The following SYNE2 variants were observed in gnomAD, a reference collection of about 807,000 sequenced individuals.
SYNE2 encodes nesprin-2.
SYNE2 carries 431 observed loss-of-function variants against 856.3 expected under a neutral mutation model. That is an observed-to-expected ratio of 0.50 (90% CI 0.47 to 0.55). The LOEUF is 0.55. Among genes scored for constraint, SYNE2 ranks in the 20% least tolerant of loss-of-function variants. The pLI is 0.00. For missense variants in SYNE2, 8,129 were observed against 8,023.2 expected (o/e 1.01, Z -0.50); for synonymous variants, 2,923 against 2,872.3 (o/e 1.02, Z -0.56).
Position 64,093,504 on chromosome 14 carries a change from G to A in SYNE2, c.12108+24G>A, listed in dbSNP as rs375229797. 13 of 1,613,854 alleles carry A rather than the reference G, an allele frequency of 8.1e-6. No homozygotes were observed. In the African/African-American group the frequency reaches 9.3e-5, roughly 12 times the overall value. Reference sequence around the variant, plus strand: ...AGGTATGTTTCTTTCATTCATAAAGGTATGTTTCATTTGTCCATCAGTGCA... The same window carrying A: ...AGGTATGTTTCTTTCATTCATAAAGATATGTTTCATTTGTCCATCAGTGCA... On this transcript the variant is annotated intron_variant, in intron 61 of 115. Transcript: ENST00000555002.
chr14:64,019,644 CGTGTGT>C (rs371970514), intron 34 of SYNE2, among the ~76,000 whole-genome samples: 7 of 151,168 alleles, frequency 4.6e-5, no homozygotes, highest in Non-Finnish European at 1.0e-4. Flanking sequence ...ATTGTGTGTC[CGTGTGT>C]GTGTGTGTAT....
chr14:63,956,365 A>G (rs1345732301), intron 8 of SYNE2: 11 of 455,780 alleles, frequency 2.4e-5, no homozygotes, highest in East Asian at 6.9e-5. Context: ...TTTATTACCT[A>G]TGCTTTTAAT....
chr14:63,768,798 A>G (rs547055040), intron 1 of SYNE2, among the ~76,000 whole-genome samples: 1 of 152,108 alleles, frequency 6.6e-6, no homozygotes, highest in African/African-American at 2.4e-5. Context: ...GGAGCAAGGT[A>G]CAAGGTGCAT....
intron 61 of SYNE2, 62 bp from the exon 62 acceptor site, chr14:64,097,887 C>T (rs1417784287): frequency 6.5e-7 from 1 of 1,542,614 alleles, no homozygotes; most frequent in African/African-American, 1.4e-5. Flanking sequence ...AGGAAGCAGG[C>T]TGCTCTGGGC....
intron 94 of SYNE2, among the ~76,000 whole-genome samples, chr14:64,172,032 G>A (rs1389812197): frequency 1.3e-5 from 2 of 151,938 alleles, no homozygotes; most frequent in African/African-American, 4.8e-5. Flanking sequence ...TGTGTTTTTA[G>A]TAGAGACAAG....
chr14:63,997,000 C>A lies in SYNE2; in HGVS notation c.2994C>A (p.Val998=). The change falls in exon 24 of 116, where the codon GTC becomes GTA. Residue 998 remains valine (V), a synonymous_variant. Transcript: ENST00000555002. ...CLYQLNHHME[V]LRELCEELPS... Reference sequence around the variant, plus strand: ...ACCAGCTTAATCACCACATGGAAGTCCTGAGGGAGCTGTGTGAAGAGCTGC... The same window carrying A: ...ACCAGCTTAATCACCACATGGAAGTACTGAGGGAGCTGTGTGAAGAGCTGC... 2.5e-6 allele frequency: 4 copies of A among 1,614,060 alleles called. No individual in the cohort carries two copies. The South Asian group carries it at 4.4e-5, about 18-fold the overall frequency.
intron 28 of SYNE2, 55 bp from the exon 29 acceptor site, chr14:64,001,879 A>G (rs2096757733): frequency 3.1e-6 from 5 of 1,593,982 alleles, no homozygotes; most frequent in Non-Finnish European, 4.3e-6. Flanking sequence ...AATCAGTTTC[A>G]TAGGATATCT....
At chr14:63,927,617 G>A (rs965777538) in intron 2 of SYNE2, among the ~76,000 whole-genome samples, 1 of 151,732 alleles carries the variant, frequency 6.6e-6, no homozygotes, top group East Asian at 1.9e-4. Context: ...CCTTTCGGCC[G>A]GCGCTGTGGC....
chr14:63,956,676 G>A lies in SYNE2; in HGVS notation c.787+1761G>A, dbSNP rs536981266. 2.0e-5 allele frequency among the ~76,000 whole-genome samples: 3 copies of A among 151,992 alleles called. No individual in the cohort carries two copies. The South Asian group carries it at 6.3e-4, about 32-fold the overall frequency. On this transcript the variant is annotated intron_variant, in intron 8 of 115. Transcript: ENST00000555002. ...ATATCCATGGAGTCAGCCAACACTG[G>A]ATTGAAAATATTTGGAAAAAAAAAA...
Position 64,187,141 on chromosome 14 carries a change from T to C in SYNE2, c.17712+562T>C, listed in dbSNP as rs1172324909. Among the ~76,000 whole-genome samples the C allele has an allele frequency of 2.0e-5, 3 of 152,234 alleles. No individual in the cohort carries two copies. In the East Asian group the frequency reaches 5.8e-4, roughly 29 times the overall value. On this transcript the variant is annotated intron_variant, in intron 97 of 115. Coordinates refer to ENST00000555002, the MANE Select transcript of SYNE2 (RefSeq NM_182914.3). ...CTTATTAAGAATGGGATTGTATTAA[T>C]AGAGTATTACACGGTATAGGCTTGT...
chr14:64,223,884 T>C (rs1247641443), intron 113 of SYNE2, among the ~76,000 whole-genome samples: 1 of 152,184 alleles, frequency 6.6e-6, no homozygotes, highest in Non-Finnish European at 1.5e-5. Context: ...ATCACCGACC[T>C]GTGATGAGCT....
intron 60 of SYNE2, among the ~76,000 whole-genome samples, chr14:64,091,877 C>T (rs569009176): frequency 2.0e-4 from 30 of 152,110 alleles, no homozygotes; most frequent in African/African-American, 6.5e-4. Flanking sequence ...TTTTCATGAC[C>T]GCCTTCTGGT....
At chr14:64,032,426 A>G (rs2097046825) in intron 45 of SYNE2, among the ~76,000 whole-genome samples, 1 of 152,158 alleles carries the variant, frequency 6.6e-6, no homozygotes, top group Non-Finnish European at 1.5e-5. Context: ...ACCGGGCATG[A>G]CAGTGCACAT....
At chr14:64,123,053 C>G (rs1347366753) in intron 70 of SYNE2, among the ~76,000 whole-genome samples, 2 of 151,230 alleles carry the variant, frequency 1.3e-5, no homozygotes, top group Non-Finnish European at 2.9e-5. Flanking sequence ...GAGCTGAGAT[C>G]GCGCCATTGC....
Position 63,913,280 on chromosome 14 carries a change from G to A in SYNE2, c.79+4053G>A, listed in dbSNP as rs77493350. ...TAGATATTTATGTTTTCTGCATTTA[G>A]TGAAGAGGATGGTGTTGGACTGTTT... On this transcript the variant is annotated intron_variant, in intron 2 of 115. Coordinates refer to ENST00000555002, the MANE Select transcript of SYNE2 (RefSeq NM_182914.3). Among the ~76,000 whole-genome samples, 155 of 152,100 alleles carry A rather than the reference G, an allele frequency of 1.0e-3. 1 individual carries two copies. In the East Asian group the frequency reaches 0.015, roughly 15 times the overall value.
chr14:64,183,854 C>G (rs1340838706), intron 96 of SYNE2, among the ~76,000 whole-genome samples: 3 of 151,504 alleles, frequency 2.0e-5, no homozygotes, highest in Non-Finnish European at 2.9e-5. Flanking sequence ...GCAGTGAGGC[C>G]AGATGGCAGC....
intron 1 of SYNE2, among the ~76,000 whole-genome samples, chr14:63,885,510 T>C (rs750392742): frequency 1.2e-4 from 18 of 152,234 alleles, no homozygotes; most frequent in Non-Finnish European, 2.4e-4. Flanking sequence ...TCCTATGTTT[T>C]TTCCAATTTT....
chr14:63,991,999 C>A (rs1007088023), intron 21 of SYNE2, among the ~76,000 whole-genome samples: 1 of 152,076 alleles, frequency 6.6e-6, no homozygotes, highest in African/African-American at 2.4e-5. Context: ...ACGCTGGGGC[C>A]CTGTTGTCAG....
chr14:63,984,382 T>C (rs944882094), intron 18 of SYNE2, among the ~76,000 whole-genome samples: 5 of 152,234 alleles, frequency 3.3e-5, no homozygotes, highest in Non-Finnish European at 7.3e-5. Context: ...GTCTTACTTA[T>C]TACACTTACT....
Sources: allele counts gnomAD v4.1 joint callset (sites outside exome capture counted in the v4.1 genomes callset), GRCh38; gene constraint gnomAD v4.1.1; transcripts MANE v1.5; gene names NCBI Gene and HGNC (gene_info 2026-07-23, HGNC 2026-07-21).